FRMD4A: variants seen among roughly 807,000 people sequenced by gnomAD.
FRMD4A encodes the protein FERM domain containing 4A.
FRMD4A carries 29 observed loss-of-function variants against 129.1 expected under a neutral mutation model. The ratio of observed to expected loss-of-function variants is 0.22; its 90% CI spans 0.17 to 0.31. The LOEUF (loss-of-function observed/expected upper bound fraction) is 0.31. Among genes scored for constraint, FRMD4A ranks in the 10% least tolerant of loss-of-function variants. The pLI is 1.00. For missense variants in FRMD4A, 1,272 were observed against 1,375.8 expected, an observed-to-expected ratio of 0.92 and a Z score of 1.19; for synonymous variants, 634 against 571.6, an observed-to-expected ratio of 1.11 and a Z score of -1.56.
At chr10:14,062,866 G>A (rs1327194073) in intron 2 of FRMD4A, among the ~76,000 whole-genome samples, 1 of 152,220 alleles carries the variant, frequency 6.6e-6, no homozygotes, top group African/African-American at 2.4e-5. Context: ...AGTGAAAGGG[G>A]AAGATACATG....
intron 2 of FRMD4A, among the ~76,000 whole-genome samples, chr10:14,290,457 T>G (rs1181146291): frequency 6.6e-6 from 1 of 152,070 alleles, no homozygotes; most frequent in Non-Finnish European, 1.5e-5. Context: ...TTGACAATGA[T>G]GCCAAGAATA....
intron 12 of FRMD4A, among the ~76,000 whole-genome samples, chr10:13,709,547 A>T (rs1174110929): frequency 5.9e-5 from 9 of 152,138 alleles, no homozygotes; most frequent in East Asian, 1.9e-4. Flanking sequence ...TAAAAAAAAA[A>T]ATATGTGTGT....
At chr10:13,947,934 C>A (rs2095344032) in intron 2 of FRMD4A, among the ~76,000 whole-genome samples, 1 of 151,968 alleles carries the variant, frequency 6.6e-6, no homozygotes, top group South Asian at 2.1e-4. Context: ...CATAGTGGCT[C>A]ATGCCTGTAA....
intron 2 of FRMD4A, among the ~76,000 whole-genome samples, chr10:14,070,906 C>A (rs1835287074): frequency 6.6e-6 from 1 of 152,162 alleles, no homozygotes; most frequent in Non-Finnish European, 1.5e-5. Flanking sequence ...GTTTCCATAG[C>A]CTGTTAAAAG....
chr10:13,908,775 G>T lies in FRMD4A; in HGVS notation c.46-49863C>A, dbSNP rs74627986. Among the ~76,000 whole-genome samples, 715 of 152,266 alleles carry T rather than the reference G, an allele frequency of 4.7e-3. 9 individuals carry two copies. The highest frequency in any genetic ancestry group is 0.016 in the African/African-American group (671 of 41,556). On this transcript the variant is annotated intron_variant, in intron 2 of 24. Coordinates refer to ENST00000357447, the MANE Select transcript of FRMD4A (RefSeq NM_018027.5). ...CCATGTTTTTACTCAGTTATCAGTA[G>T]CATTGCCAGAGAAAAGACAGGAAAT...
chr10:13,967,888 A>T (rs557691835), intron 2 of FRMD4A, among the ~76,000 whole-genome samples: 1 of 152,370 alleles, frequency 6.6e-6, no homozygotes, highest in African/African-American at 2.4e-5. Context: ...TCTACAAAAA[A>T]TACAAAAATT....
At chr10:13,875,364 G>C (rs1297477621) in intron 2 of FRMD4A, among the ~76,000 whole-genome samples, 1 of 152,184 alleles carries the variant, frequency 6.6e-6, no homozygotes. Flanking sequence ...AAACTGCAAA[G>C]TGATATTAAA....
intron 2 of FRMD4A, among the ~76,000 whole-genome samples, chr10:13,965,758 G>C (rs2095481676): frequency 6.6e-6 from 1 of 152,176 alleles, no homozygotes; most frequent in Admixed American, 6.5e-5. Context: ...GACAAGTTTT[G>C]ATCAGCCATA....
chr10:14,054,701 T>C (rs916588121), intron 2 of FRMD4A, among the ~76,000 whole-genome samples: 1 of 152,026 alleles, frequency 6.6e-6, no homozygotes, highest in African/African-American at 2.4e-5. Context: ...TTTGGCTGTG[T>C]CCCCACCCAA....
chr10:13,987,730 T>C (rs544243114), intron 2 of FRMD4A, among the ~76,000 whole-genome samples: 46 of 152,340 alleles, frequency 3.0e-4, no homozygotes, highest in African/African-American at 8.2e-4. Flanking sequence ...CACTTACTTT[T>C]CTTTAACTCG....
intron 2 of FRMD4A, among the ~76,000 whole-genome samples, chr10:14,226,562 C>T (rs1297163827): frequency 6.6e-6 from 1 of 152,160 alleles, no homozygotes; most frequent in Non-Finnish European, 1.5e-5. Context: ...TTATAGGCCT[C>T]TCTTCTGGGC....
intron 2 of FRMD4A, among the ~76,000 whole-genome samples, chr10:14,112,165 A>G (rs1837944155): frequency 6.6e-6 from 1 of 152,212 alleles, no homozygotes; most frequent in Admixed American, 6.5e-5. Flanking sequence ...GTAGAAACAC[A>G]GAAAGATGTT....
intron 2 of FRMD4A, among the ~76,000 whole-genome samples, chr10:14,173,028 G>GA (rs78851300): frequency 0.036 from 5,398 of 150,722 alleles, 191 homozygotes; most frequent in East Asian, 0.14. Context: ...TAACCAGCAG[G>GA]AAAAAAAAAT....
chr10:13,929,128 A>G (rs1238716692), intron 2 of FRMD4A, among the ~76,000 whole-genome samples: 1 of 152,198 alleles, frequency 6.6e-6, no homozygotes, highest in African/African-American at 2.4e-5. Context: ...TATTTGTGGG[A>G]TGGTAGCCTG....
chr10:14,128,332 G>A (rs1050767055), intron 2 of FRMD4A, among the ~76,000 whole-genome samples: 6 of 151,872 alleles, frequency 4.0e-5, no homozygotes, highest in African/African-American at 9.7e-5. Flanking sequence ...GCAAACTCCC[G>A]GGCTCAAGTG....
chr10:14,051,352 G>T (rs2131686860), intron 2 of FRMD4A, among the ~76,000 whole-genome samples: 1 of 152,282 alleles, frequency 6.6e-6, no homozygotes, highest in South Asian at 2.1e-4. Context: ...CTGGGGTTTA[G>T]ATCTATCTTA....
At chr10:13,961,732 G>T (rs1190987817) in intron 2 of FRMD4A, among the ~76,000 whole-genome samples, 1 of 152,112 alleles carries the variant, frequency 6.6e-6, no homozygotes, top group African/African-American at 2.4e-5. Context: ...TCAAAGCATT[G>T]ACCTCCAATT....
At chr10:14,006,529 C>T (rs1311505537) in intron 2 of FRMD4A, among the ~76,000 whole-genome samples, 2 of 152,114 alleles carry the variant, frequency 1.3e-5, no homozygotes, top group Non-Finnish European at 2.9e-5. Flanking sequence ...ATCTGGAGAA[C>T]ATAATGGTAT....
chr10:13,758,217 A>C (rs2091937796), intron 8 of FRMD4A, among the ~76,000 whole-genome samples: 1 of 152,242 alleles, frequency 6.6e-6, no homozygotes, highest in African/African-American at 2.4e-5. Context: ...GGGAAGTTTT[A>C]GATTCAGGAC....
Sources: allele counts gnomAD v4.1 joint callset (sites outside exome capture counted in the v4.1 genomes callset), GRCh38; gene constraint gnomAD v4.1.1; transcripts MANE v1.5; gene names NCBI Gene and HGNC (gene_info 2026-07-23, HGNC 2026-07-21).